Variants in ZDHHC19 observed in about 807,000 individuals in gnomAD.
ZDHHC19 encodes zDHHC palmitoyltransferase 19.
Under a neutral mutation model 33.9 loss-of-function variants are expected in ZDHHC19, and 30 were observed. That is an observed-to-expected ratio of 0.88 (90% CI 0.66 to 1.20). The LOEUF is 1.20. Among genes scored for constraint, ZDHHC19 ranks in the 50% most tolerant of loss-of-function variants. The pLI is 0.00. For synonymous variants in ZDHHC19, 178 were observed against 167.6 expected (o/e 1.06, Z -0.48); for missense variants, 364 against 401.1 (o/e 0.91, Z 0.79).
chr3:196,208,130 C>T (rs1034075485), intron 4 of ZDHHC19, among the ~76,000 whole-genome samples: 5 of 151,796 alleles, frequency 3.3e-5, no homozygotes, highest in Admixed American at 2.0e-4. Flanking sequence ...GGGTCTCGGG[C>T]TGAAGCGATC....
intron 6 of ZDHHC19, 48 bp from the exon 7 acceptor site, chr3:196,198,499 G>T: frequency 1.3e-6 from 2 of 1,596,958 alleles, no homozygotes; most frequent in South Asian, 2.2e-5. Context: ...TCCCTGGTCC[G>T]GCTCCCCTGC....
chr3:196,210,600 G>A lies in ZDHHC19; in HGVS notation c.268+16C>T, dbSNP rs775275470. The A allele has an allele frequency of 1.9e-6, 3 of 1,613,868 alleles. No homozygotes were observed. Among genetic ancestry groups the A allele is most frequent in the Non-Finnish European group, 1.7e-6 (2 of 1,179,860 alleles). ...CTTGAGTGACACCTCCTTTTCCCAG[G>A]GGGCTGATGCCTCACCTTGATGTAA... On this transcript the variant is annotated intron_variant, in intron 2 of 7. Transcript: ENST00000296326.
chr3:196,210,731 C>T lies in ZDHHC19; in HGVS notation c.153G>A (p.Arg51=). The stretch of plus-strand genomic sequence containing the variant: ...CCCACTCCCCGTTCTGAGCCAGCCA[C>T]CTGCAACTGAGACCAGAGGCAGGCT... ...FSGLFFAFPC[R]WLAQNGEWAF... The change falls in exon 2 of 8, where the codon AGG becomes AGA. Residue 51 remains arginine (R), a synonymous_variant. Coordinates refer to ENST00000296326, the MANE Select transcript of ZDHHC19 (RefSeq NM_001039617.2). The T allele has an allele frequency of 6.2e-7, 1 of 1,613,632 alleles. No individual in the cohort carries two copies. Among genetic ancestry groups the T allele is most frequent in the South Asian group, 1.1e-5 (1 of 90,964 alleles).
chr3:196,208,259 C>CAAA, intron 4 of ZDHHC19, 129 bp downstream of exon 4: 1 of 478,114 alleles, frequency 2.1e-6, no homozygotes, highest in South Asian at 3.1e-5. Context: ...CCCCGCCCAC[C>CAAA]TCACCTCGTC....
chr3:196,210,197 A>G (rs1723103226), intron 2 of ZDHHC19, among the ~76,000 whole-genome samples: 1 of 151,688 alleles, frequency 6.6e-6, no homozygotes, highest in Non-Finnish European at 1.5e-5. Context: ...TCTCAACAAA[A>G]AGAAAAGGAA....
rs1721929608 is a variant in ZDHHC19 at position 196,197,997 on chromosome 3, A to G, written c.*20-272T>C. Among the ~76,000 whole-genome samples, 1 of 152,122 alleles carries G rather than the reference A, an allele frequency of 6.6e-6. No homozygotes were observed. The highest frequency in any genetic ancestry group is 2.4e-5 in the African/African-American group (1 of 41,394). ...AATTATAAACCACGAGACTCATCTC[A>G]GTCCTGCGAGTAGGTGACTGGCCTG... On this transcript the variant is annotated intron_variant, in intron 7 of 7. Transcript: ENST00000296326. This position sits in a 1 kb window ranked among gnomAD's most constrained non-coding sequence, Gnocchi z 4.4.
Position 196,207,508 on chromosome 3 carries a change from G to A in ZDHHC19, c.582-5C>T. On this transcript the variant is annotated splice_region_variant and splice_polypyrimidine_tract_variant and intron_variant, in intron 4 of 7. Transcript: ENST00000296326. ...GCGGACACGGCCACCACGATGCTGC[G>A]CGGGTTAAGGAACCGGGCTGCGGGA... 2 of 1,549,862 alleles carry A rather than the reference G, an allele frequency of 1.3e-6. No homozygotes were observed. The highest frequency in any genetic ancestry group is 1.7e-6 in the Non-Finnish European group (2 of 1,147,334).
chr3:196,207,285 A>G, intron 5 of ZDHHC19, 113 bp downstream of exon 5: 2 of 903,984 alleles, frequency 2.2e-6, no homozygotes, highest in Non-Finnish European at 3.4e-6. Flanking sequence ...GAGGGACCTA[A>G]CGAGGCACCA....
At chr3:196,206,679 CTTTTTTTT>C (rs10578928) in intron 5 of ZDHHC19, among the ~76,000 whole-genome samples, 2 of 112,792 alleles carry the variant, frequency 1.8e-5, no homozygotes. Context: ...CTTTTCTTTT[CTTTTTTTT>C]TTTTTTTTTT....
intron 3 of ZDHHC19, 163 bp from the exon 4 acceptor site, chr3:196,208,723 C>T: frequency 1.3e-6 from 1 of 748,312 alleles, no homozygotes; most frequent in Non-Finnish European, 2.2e-6. Context: ...ATGCCTCATG[C>T]TGGCATTTCC....
rs10690373 is a variant in ZDHHC19 at position 196,210,346 on chromosome 3, G to GAGAAAGAAAGAAAGAAAGAA, written c.268+269_268+270insTTCTTTCTTTCTTTCTTTCT. On this transcript the variant is annotated intron_variant, in intron 2 of 7. Transcript: ENST00000296326. Reference sequence around the variant, plus strand: ...GAAGGAAAGAAAGAAAGAAAGAAAAGAGAAAGAAAGAAAGAAGGAAGGAAG... The same window carrying GAGAAAGAAAGAAAGAAAGAA: ...GAAGGAAAGAAAGAAAGAAAGAAAAGAGAAAGAAAGAAAGAAAGAAAGAAAGAAAGAAAGAAGGAAGGAAG... Among the ~76,000 whole-genome samples, 203 of 78,026 alleles carry GAGAAAGAAAGAAAGAAAGAA rather than the reference G, an allele frequency of 2.6e-3. 4 individuals carry two copies. Among genetic ancestry groups the GAGAAAGAAAGAAAGAAAGAA allele is most frequent in the African/African-American group, 7.6e-3 (197 of 25,826 alleles). 51.2% of individuals were successfully genotyped at this position (78,026 alleles called of 152,430 possible).
chr3:196,208,860 C>T (rs79027293), intron 3 of ZDHHC19: 24,743 of 402,208 alleles, frequency 0.062, 931 homozygotes, highest in Middle Eastern at 0.12. Flanking sequence ...TAAACCATCT[C>T]TGGACCTCCA....
intron 5 of ZDHHC19, among the ~76,000 whole-genome samples, chr3:196,207,145 G>A (rs1283784995): frequency 6.6e-6 from 1 of 152,168 alleles, no homozygotes; most frequent in Non-Finnish European, 1.5e-5. Flanking sequence ...GTGGAATGTA[G>A]CCTTACTCAC....
chr3:196,205,641 C>T (rs6788070), intron 5 of ZDHHC19, among the ~76,000 whole-genome samples: 35,175 of 152,002 alleles, frequency 0.23, 4,197 homozygotes, highest in East Asian at 0.36. Flanking sequence ...TAGATTATTG[C>T]TCAATAAACG....
At chr3:196,210,264 A>AAAG (rs1444195201) in intron 2 of ZDHHC19, among the ~76,000 whole-genome samples, 9 of 100,700 alleles carry the variant, frequency 8.9e-5, no homozygotes, top group African/African-American at 2.9e-4. Flanking sequence ...AGAAAGAAAG[A>AAAG]AAAGAGAAAG....
intron 4 of ZDHHC19, 25 bp downstream of exon 4, chr3:196,208,363 C>G (rs1722950311): frequency 6.2e-7 from 1 of 1,607,866 alleles, no homozygotes; most frequent in Non-Finnish European, 8.5e-7. Context: ...CGCCTCCTCT[C>G]CTGCTTCCCC....
intron 5 of ZDHHC19, among the ~76,000 whole-genome samples, chr3:196,202,788 G>A (rs1381352934): frequency 1.3e-5 from 2 of 152,214 alleles, no homozygotes; most frequent in Non-Finnish European, 1.5e-5. Flanking sequence ...TGAGCACAGC[G>A]GCCGGCTGAA....
chr3:196,204,124 C>A (rs533809691), intron 5 of ZDHHC19, among the ~76,000 whole-genome samples: 1 of 152,090 alleles, frequency 6.6e-6, no homozygotes, highest in African/African-American at 2.4e-5. Context: ...TCCTTTTTCA[C>A]AGACAACAGG....
intron 6 of ZDHHC19, 23 bp downstream of exon 6, chr3:196,198,766 G>A (rs1430518861): frequency 6.2e-7 from 1 of 1,613,172 alleles, no homozygotes; most frequent in East Asian, 2.2e-5. Context: ...TTCACCAGTT[G>A]GGCCTCTGGC....
Sources: gnomAD v4.1 joint callset for allele counts (sites outside exome capture counted in the v4.1 genomes callset) on GRCh38, gnomAD v4.1.1 for gene constraint, Gnocchi (gnomAD v3.1) non-coding constraint, MANE v1.5 for transcripts, NCBI Gene and HGNC (gene_info 2026-07-23, HGNC 2026-07-21) for gene names.